The following NELL2 variants were observed in gnomAD, a reference collection of about 807,000 sequenced individuals.
NELL2 encodes protein kinase C-binding protein NELL2.
NELL2 carries 41 observed loss-of-function variants against 109.6 expected under a neutral mutation model. That is an observed-to-expected ratio of 0.37 (90% confidence interval 0.29 to 0.49). NELL2 has a LOEUF of 0.49. Among genes scored for constraint, NELL2 ranks in the 20% least tolerant of loss-of-function variants. The pLI is 0.98. For synonymous variants in NELL2, 355 were observed against 344.7 expected (o/e 1.03, Z -0.33); for missense variants, 900 against 1,008.3 (o/e 0.89, Z 1.45).
intron 13 of NELL2, among the ~76,000 whole-genome samples, chr12:44,663,850 T>A (rs1252428588): frequency 6.6e-6 from 1 of 152,182 alleles, no homozygotes; most frequent in African/African-American, 2.4e-5. Context: ...TTATGTCCCA[T>A]GTCCTTTCAC....
At chr12:44,825,360 C>A (rs1268043984) in intron 2 of NELL2, among the ~76,000 whole-genome samples, 6 of 141,330 alleles carry the variant, frequency 4.2e-5, no homozygotes, top group African/African-American at 1.6e-4. Flanking sequence ...ATTTTTATAG[C>A]TATTATAAAT....
intron 9 of NELL2, among the ~76,000 whole-genome samples, chr12:44,759,010 AC>A (rs1941009863): frequency 6.6e-6 from 1 of 152,262 alleles, no homozygotes; most frequent in South Asian, 2.1e-4. Context: ...TCTTGATATT[AC>A]CTGAAAATGC....
At chr12:44,713,177 TACACACACACACACACAC>T (rs35017907) in intron 10 of NELL2, among the ~76,000 whole-genome samples, 5 of 141,910 alleles carry the variant, frequency 3.5e-5, no homozygotes, top group Non-Finnish European at 4.6e-5. Context: ...ATGAATAGGA[TACACACACACACACACAC>T]ACACACACAC....
intron 13 of NELL2, among the ~76,000 whole-genome samples, chr12:44,663,287 T>C (rs1354934249): frequency 6.6e-6 from 1 of 152,104 alleles, no homozygotes; most frequent in Non-Finnish European, 1.5e-5. Flanking sequence ...TTCACCTGAC[T>C]CTGGACTAAA....
chr12:44,774,333 T>G (rs770979709), intron 9 of NELL2, among the ~76,000 whole-genome samples: 3 of 152,214 alleles, frequency 2.0e-5, no homozygotes, highest in African/African-American at 4.8e-5. Context: ...AATGTGGACT[T>G]CTGTTGTTTG....
intron 13 of NELL2, among the ~76,000 whole-genome samples, chr12:44,614,808 A>G (rs1296981247): frequency 6.6e-6 from 1 of 152,078 alleles, no homozygotes; most frequent in Non-Finnish European, 1.5e-5. Context: ...TCTAAAATTC[A>G]CATAGCTTTC....
intron 9 of NELL2, among the ~76,000 whole-genome samples, chr12:44,766,644 T>G (rs908078418): frequency 6.6e-6 from 1 of 152,222 alleles, no homozygotes; most frequent in Non-Finnish European, 1.5e-5. Context: ...CTCCTATGAA[T>G]GATACCTAGA....
At chr12:44,719,098 AAAATTATT>A (rs1938636751) in intron 9 of NELL2, among the ~76,000 whole-genome samples, 1 of 152,214 alleles carries the variant, frequency 6.6e-6, no homozygotes, top group Admixed American at 6.5e-5. Flanking sequence ...TCAATTAATA[AAAATTATT>A]TTCACTTCAT....
At chr12:44,738,875 C>A (rs1188588176) in intron 9 of NELL2, among the ~76,000 whole-genome samples, 1 of 152,164 alleles carries the variant, frequency 6.6e-6, no homozygotes, top group Admixed American at 6.6e-5. Flanking sequence ...ATTAGTGAAT[C>A]ATTTTGCAAT....
intron 16 of NELL2, 106 bp from the exon 17 acceptor site, chr12:44,523,590 T>A (rs1941636830): frequency 2.3e-6 from 2 of 879,088 alleles, no homozygotes; most frequent in Non-Finnish European, 3.5e-6. Flanking sequence ...AACTGTAAAT[T>A]AATTTTCATC....
rs944972160 is a variant in NELL2 at position 44,551,766 on chromosome 12, G to A, written c.1664-19045C>T. 3.3e-5 allele frequency among the ~76,000 whole-genome samples: 5 copies of A among 152,194 alleles called. No individual in the cohort carries two copies. In the East Asian group the frequency reaches 9.6e-4, roughly 29 times the overall value. On this transcript the variant is annotated intron_variant, in intron 15 of 19. Transcript: ENST00000429094. ...GGAAGACAATTCTAAGGTAGTATAGGTAGGGCTTAGTGCCCAACTTGGACT... is the reference window on the plus strand; with the variant it reads ...GGAAGACAATTCTAAGGTAGTATAGATAGGGCTTAGTGCCCAACTTGGACT...
In NELL2 at chr12:44,723,576, C is replaced by T. The variant is rs570881266; in HGVS notation, c.995-8835G>A. Among the ~76,000 whole-genome samples, 33 of 151,902 alleles carry T rather than the reference C, an allele frequency of 2.2e-4. No homozygotes were observed. The South Asian group carries it at 6.7e-3, about 31-fold the overall frequency. On this transcript the variant is annotated intron_variant, in intron 9 of 19. Transcript: ENST00000429094. ...TTCCTTGATTGTGCTTTATTGTAGTCTTGATTATATAAGTAAGCCTTTCAA... is the reference window on the plus strand; with the variant it reads ...TTCCTTGATTGTGCTTTATTGTAGTTTTGATTATATAAGTAAGCCTTTCAA...
intron 13 of NELL2, among the ~76,000 whole-genome samples, chr12:44,655,733 C>T (rs1229878409): frequency 6.6e-6 from 1 of 151,958 alleles, no homozygotes; most frequent in Non-Finnish European, 1.5e-5. Context: ...TTCTTTGAGT[C>T]CTAGGGCCTG....
At chr12:44,756,598 A>G (rs1468822050) in intron 9 of NELL2, among the ~76,000 whole-genome samples, 2 of 152,102 alleles carry the variant, frequency 1.3e-5, no homozygotes, top group Non-Finnish European at 2.9e-5. Flanking sequence ...CACATTCTGA[A>G]TCTCATAAAA....
upstream of NELL2, among the ~76,000 whole-genome samples, chr12:44,917,862 A>C (rs1488389082): frequency 6.6e-6 from 1 of 152,192 alleles, no homozygotes; most frequent in Non-Finnish European, 1.5e-5. Context: ...GGCCTCTAGG[A>C]CCTGAGGGCA....
chr12:44,609,663 T>A (rs544793059), intron 14 of NELL2, among the ~76,000 whole-genome samples: 2 of 151,914 alleles, frequency 1.3e-5, no homozygotes, highest in Non-Finnish European at 2.9e-5. Flanking sequence ...TAGGCCTTTT[T>A]CAAAATGACC....
chr12:44,553,264 T>TGTA (rs1206337312), intron 15 of NELL2, among the ~76,000 whole-genome samples: 1 of 63,966 alleles, frequency 1.6e-5, no homozygotes, highest in Non-Finnish European at 3.5e-5. Flanking sequence ...AAACTTAAAG[T>TGTA]ATAATAATAA....
intron 15 of NELL2, among the ~76,000 whole-genome samples, chr12:44,536,986 C>T (rs74085085): frequency 9.3e-6 from 1 of 107,970 alleles, no homozygotes; most frequent in East Asian, 2.7e-4. Flanking sequence ...AACAAACCAA[C>T]AGGCAAACAA....
intron 3 of NELL2, among the ~76,000 whole-genome samples, chr12:44,805,773 A>T (rs561890923): frequency 6.6e-6 from 1 of 151,924 alleles, no homozygotes; most frequent in Admixed American, 6.6e-5. Flanking sequence ...TATATGTAGT[A>T]TTAATTGCAA....
Sources: allele counts gnomAD v4.1 joint callset (sites outside exome capture counted in the v4.1 genomes callset), GRCh38; gene constraint gnomAD v4.1.1; transcripts MANE v1.5; gene names NCBI Gene and HGNC (gene_info 2026-07-23, HGNC 2026-07-21).